The following PCM1 variants were observed in gnomAD, a reference collection of about 807,000 sequenced individuals.
PCM1 encodes the protein pericentriolar material 1 protein.
Under a neutral mutation model 241.9 loss-of-function variants are expected in PCM1, and 157 were observed. That is an observed-to-expected ratio of 0.65 (90% CI 0.57 to 0.74). The LOEUF is 0.74. Among genes scored for constraint, PCM1 ranks in the 30% least tolerant of loss-of-function variants. The pLI, the probability that PCM1 is intolerant of heterozygous loss-of-function variation, is 0.00. For missense variants in PCM1, 3,478 were observed against 2,360.1 expected (o/e 1.47, Z -9.81); for synonymous variants, 1,085 against 784.9 (o/e 1.38, Z -6.39).
intron 21 of PCM1, among the ~76,000 whole-genome samples, chr8:17,967,387 C>T (rs907521812): frequency 3.3e-5 from 5 of 151,828 alleles, no homozygotes; most frequent in Non-Finnish European, 4.4e-5. Flanking sequence ...TGGCTCACGG[C>T]AGCCTCCACC....
Position 17,985,565 on chromosome 8 carries a change from G to C in PCM1, c.4227G>C (p.Glu1409Asp). ...ATTTTCTTATTGAACTCTTCCATGA[G>C]CTGCAGCTACTAAACACAGACTACT... ...RPHFLIELFH[E>D]LQLLNTDYLR... is the part of the protein sequence containing the mutation. Residue 1409 changes from glutamate (E) to aspartate (D), a missense_variant, in exon 25 of 39, where the codon GAG becomes GAC. By Grantham distance (45) the Glu-to-Asp change is conservative (BLOSUM62 2). Transcript: ENST00000325083. 1 of 1,606,198 alleles carries C rather than the reference G, an allele frequency of 6.2e-7. No individual in the cohort carries two copies. The highest frequency in any genetic ancestry group is 1.1e-5 in the South Asian group (1 of 89,660).
At chr8:18,016,934 A>G (rs1162995548) in intron 36 of PCM1, among the ~76,000 whole-genome samples, 6 of 152,336 alleles carry the variant, frequency 3.9e-5, no homozygotes, top group African/African-American at 1.4e-4. Flanking sequence ...AGATTTTCCA[A>G]ATCCCAAGGA....
At chr8:17,961,797 A>G (rs919049590) in intron 15 of PCM1, among the ~76,000 whole-genome samples, 4 of 152,006 alleles carry the variant, frequency 2.6e-5, no homozygotes, top group Admixed American at 6.6e-5. Context: ...ATTTTCCATT[A>G]TGTTTTATCC....
chr8:18,003,354 T>C (rs12056629), intron 29 of PCM1, among the ~76,000 whole-genome samples: 37,357 of 152,132 alleles, frequency 0.25, 5,266 homozygotes, highest in African/African-American at 0.4. Flanking sequence ...TTGTCACTCA[T>C]AAAACCTTTT....
chr8:17,972,215 C>T, intron 22 of PCM1, 114 bp from the exon 23 acceptor site: 1 of 522,294 alleles, frequency 1.9e-6, no homozygotes, highest in South Asian at 5.3e-5. Flanking sequence ...ATTTTTATAG[C>T]CTGTTGACAA....
chr8:18,004,926 G>A (rs2090812718), intron 29 of PCM1, among the ~76,000 whole-genome samples: 1 of 152,072 alleles, frequency 6.6e-6, no homozygotes, highest in Admixed American at 6.5e-5. Flanking sequence ...TGCTGGATCT[G>A]GTGTGCTTTC....
intron 2 of PCM1, among the ~76,000 whole-genome samples, chr8:17,933,336 A>C (rs1381560562): frequency 6.6e-6 from 1 of 152,182 alleles, no homozygotes; most frequent in Admixed American, 6.5e-5. Context: ...GCTAATTTGG[A>C]TTAGCATTCT....
chr8:17,925,941 G>C (rs2056776399), intron 2 of PCM1: 1 of 151,692 alleles, frequency 6.6e-6, no homozygotes, highest in African/African-American at 2.4e-5. Context: ...AAATGAGACT[G>C]TCATGAGAAA....
chr8:17,985,337 A>G (rs1246886070), intron 24 of PCM1, 110 bp from the exon 25 acceptor site: 5 of 670,564 alleles, frequency 7.5e-6, no homozygotes, highest in Non-Finnish European at 9.6e-6. Flanking sequence ...AGAATTGTCT[A>G]AAATAGAATT....
chr8:18,027,425 G>T (rs1180580297), intron 38 of PCM1, among the ~76,000 whole-genome samples: 1 of 152,144 alleles, frequency 6.6e-6, no homozygotes. Flanking sequence ...AGAGAGACAC[G>T]AAGTATCTGC....
intron 6 of PCM1, 174 bp downstream of exon 6, chr8:17,940,035 A>G (rs779377488): frequency 3.9e-6 from 6 of 1,532,268 alleles, no homozygotes; most frequent in South Asian, 1.2e-5. Context: ...CCGCTAAAAT[A>G]TTTCAGGCTA....
chr8:17,994,828 C>T lies in PCM1; in HGVS notation c.4827+1209C>T, dbSNP rs368764671. Among the ~76,000 whole-genome samples, 35 of 151,500 alleles carry T rather than the reference C, an allele frequency of 2.3e-4. 1 individual carries two copies. The highest frequency in any genetic ancestry group is 3.9e-4 in the East Asian group (2 of 5,182). On this transcript the variant is annotated intron_variant, in intron 29 of 38. Transcript: ENST00000325083. The stretch of plus-strand genomic sequence containing the variant: ...ATGTGCCTGTTTGCCATTTGTATGT[C>T]GTCTTTTGAGAAGTGTGTCTTCAGA...
intron 9 of PCM1, among the ~76,000 whole-genome samples, chr8:17,955,100 A>C (rs2067638605): frequency 6.6e-6 from 1 of 152,076 alleles, no homozygotes; most frequent in African/African-American, 2.4e-5. Context: ...CCTAGAACCA[A>C]GTTTATCAAG....
intron 22 of PCM1, among the ~76,000 whole-genome samples, chr8:17,969,952 G>A (rs1364033592): frequency 6.6e-6 from 1 of 152,100 alleles, no homozygotes; most frequent in Non-Finnish European, 1.5e-5. Context: ...TGTTTGGAAG[G>A]ATGTGGCGTA....
intron 5 of PCM1, 143 bp from the exon 6 acceptor site, chr8:17,939,548 G>A (rs903513616): frequency 1.1e-5 from 5 of 448,808 alleles, no homozygotes; most frequent in Non-Finnish European, 1.9e-5. Context: ...TTTTTTGCAT[G>A]TGTTAATTCA....
chr8:17,968,775 T>C (rs1393903719), intron 21 of PCM1, among the ~76,000 whole-genome samples: 2 of 150,524 alleles, frequency 1.3e-5, no homozygotes, highest in Non-Finnish European at 3.0e-5. Context: ...TATATATATA[T>C]ATACACACCA....
intron 29 of PCM1, among the ~76,000 whole-genome samples, chr8:18,004,878 T>A (rs1401400014): frequency 6.6e-6 from 1 of 152,190 alleles, no homozygotes; most frequent in Admixed American, 6.6e-5. Flanking sequence ...TACTAAGCCG[T>A]GTCCTACCCA....
chr8:18,017,752 C>G (rs1216386300), intron 36 of PCM1, among the ~76,000 whole-genome samples: 1 of 152,158 alleles, frequency 6.6e-6, no homozygotes, highest in Non-Finnish European at 1.5e-5. Flanking sequence ...ACACAGGAGG[C>G]TGAGGCAGGA....
intron 2 of PCM1, among the ~76,000 whole-genome samples, chr8:17,928,616 CTTTTTTTTTTTTTTTTT>C (rs71215287): frequency 3.3e-4 from 27 of 82,570 alleles, no homozygotes; most frequent in African/African-American, 7.9e-4. Context: ...GTATCTCCCT[CTTTTTTTTTTTTTTTTT>C]TTTTTTTTTT....
Sources: allele counts gnomAD v4.1 joint callset (sites outside exome capture counted in the v4.1 genomes callset), GRCh38; gene constraint gnomAD v4.1.1; transcripts MANE v1.5; gene names NCBI Gene and HGNC (gene_info 2026-07-23, HGNC 2026-07-21).